Variants in STAG2 observed in about 807,000 individuals in gnomAD.
The protein encoded by STAG2 is STAG2 cohesin complex component.
Under a neutral mutation model 108.1 loss-of-function variants are expected in STAG2, and 14 were observed. That is an observed-to-expected ratio of 0.13 (90% CI 0.09 to 0.20). The LOEUF (loss-of-function observed/expected upper bound fraction) is 0.20. Ranked by LOEUF, STAG2 falls within the 10% of genes least tolerant of loss-of-function variation. The pLI, the probability that STAG2 is intolerant of heterozygous loss-of-function variation, is 1.00. For synonymous variants in STAG2, 307 were observed against 302.7 expected (o/e 1.01, Z -0.15); for missense variants, 440 against 940.9 (o/e 0.47, Z 6.96).
intron 5 of STAG2, among the ~76,000 whole-genome samples, chrX:124,035,065 TTTTGTTTGTA>T (rs2057475473): frequency 9.1e-6 from 1 of 109,711 alleles, no homozygotes; most frequent in African/African-American, 3.3e-5. Context: ...CCCAGCTAAT[TTTTGTTTGTA>T]CCTTTTGGTA....
intron 1 of STAG2, among the ~76,000 whole-genome samples, chrX:123,986,139 T>G: frequency 9.5e-6 from 1 of 105,406 alleles, no homozygotes; most frequent in East Asian, 2.9e-4. Flanking sequence ...ATATGTATCA[T>G]ATATGTATAT....
chrX:124,063,457 G>A (rs140183387), intron 19 of STAG2, among the ~76,000 whole-genome samples: 1,515 of 111,093 alleles, frequency 0.014, 31 homozygotes, highest in African/African-American at 0.047. Flanking sequence ...TATAGAGACT[G>A]GGGGTGGATA....
intron 1 of STAG2, among the ~76,000 whole-genome samples, chrX:123,973,002 T>C (rs1235797495): frequency 1.9e-5 from 2 of 106,431 alleles, no homozygotes; most frequent in Admixed American, 2.0e-4. Context: ...TGAGCTGAGA[T>C]TGTGACATTG....
chrX:124,050,606 C>T (rs751069725), intron 11 of STAG2, among the ~76,000 whole-genome samples: 30 of 110,859 alleles, frequency 2.7e-4, no homozygotes, highest in Non-Finnish European at 5.5e-4. Flanking sequence ...AGAACCATTA[C>T]GCTGTTGTTA....
chrX:124,067,927 G>T (rs2058578039), intron 23 of STAG2, among the ~76,000 whole-genome samples: 1 of 110,298 alleles, frequency 9.1e-6, no homozygotes, highest in African/African-American at 3.3e-5. Flanking sequence ...AGCTACTCAG[G>T]ATGCTGAGGC....
At chrX:124,027,092 T>C (rs1462742069) in intron 4 of STAG2, among the ~76,000 whole-genome samples, 1 of 111,169 alleles carries the variant, frequency 9.0e-6, no homozygotes, top group Non-Finnish European at 1.9e-5. Flanking sequence ...TTTTATTTTT[T>C]ATTTTTGTAG....
At chrX:123,972,866 C>CAAAAAAAAAAA (rs747333406) in intron 1 of STAG2, among the ~76,000 whole-genome samples, 313 of 21,782 alleles carry the variant, frequency 0.014, no homozygotes, top group East Asian at 0.033. Flanking sequence ...ACCAAAAATA[C>CAAAAAAAAAAA]AAAAAAAAAA....
rs1468770346 is a variant in STAG2 at position 124,063,844 on chromosome X, G to T, written c.1822-4G>T. The T allele has an allele frequency of 8.3e-7, 1 of 1,198,378 alleles. No homozygotes were observed. Among genetic ancestry groups the T allele is most frequent in the African/African-American group, 1.8e-5 (1 of 56,805 alleles). On this transcript the variant is annotated splice_region_variant and splice_polypyrimidine_tract_variant and intron_variant, in intron 19 of 34. Transcript: ENST00000371145. ...TTTTGATGAAAAATATTATTATTTT[G>T]CAGCATTTGGATGCCTTATTGCGAC...
At chrX:124,079,927 C>T (rs755134355) in intron 27 of STAG2, among the ~76,000 whole-genome samples, 57 of 101,677 alleles carry the variant, frequency 5.6e-4, no homozygotes, top group Non-Finnish European at 5.9e-4. Context: ...ATAATTTCCT[C>T]AGCATCTTTT....
intron 1 of STAG2, among the ~76,000 whole-genome samples, chrX:123,980,961 T>C (rs1253362288): frequency 9.0e-6 from 1 of 111,549 alleles, no homozygotes; most frequent in Non-Finnish European, 1.9e-5. Flanking sequence ...TACTTTAGTT[T>C]CTTTAAGTTT....
chrX:124,063,223 A>T lies in STAG2; in HGVS notation c.1821+18A>T. 1 of 1,098,298 alleles carries T rather than the reference A, an allele frequency of 9.1e-7. No individual in the cohort carries two copies. The highest frequency in any genetic ancestry group is 1.2e-6 in the Non-Finnish European group (1 of 810,302). The allele number at this position is 1,098,298 out of a possible 1,213,427, so 90.5% of individuals were successfully genotyped here. A position where few individuals can be genotyped will look rare whatever the true frequency, so the allele number is the denominator to read the frequency against. On this transcript the variant is annotated intron_variant, in intron 19 of 34. Coordinates refer to ENST00000371145, the MANE Select transcript of STAG2 (RefSeq NM_001042750.2). ...TAGAAAAGGTAAGATTATTTTGTGTAAAAAAAACCTTTAAGAAAAATTATT... is the reference window on the plus strand; with the variant it reads ...TAGAAAAGGTAAGATTATTTTGTGTTAAAAAAACCTTTAAGAAAAATTATT...
At chrX:124,008,437 TC>T (rs748806719) in intron 1 of STAG2, among the ~76,000 whole-genome samples, 3 of 110,808 alleles carry the variant, frequency 2.7e-5, no homozygotes, top group East Asian at 5.7e-4. Flanking sequence ...GGTCTCAAAC[TC>T]CCGACCTCAG....
At chrX:124,045,938 A>T (rs1041280407) in intron 8 of STAG2, among the ~76,000 whole-genome samples, 1 of 110,602 alleles carries the variant, frequency 9.0e-6, no homozygotes, top group African/African-American at 3.3e-5. Context: ...ACTGCAAAAA[A>T]TTGATTTTTC....
chrX:124,030,168 G>A (rs1229586162), intron 4 of STAG2, among the ~76,000 whole-genome samples: 1 of 111,703 alleles, frequency 9.0e-6, no homozygotes, highest in Non-Finnish European at 1.9e-5. Context: ...ATAAAATGTT[G>A]AACTGAGTAT....
At chrX:124,051,833 G>A (rs1230497215) in intron 13 of STAG2, among the ~76,000 whole-genome samples, 4 of 111,535 alleles carry the variant, frequency 3.6e-5, no homozygotes, top group African/African-American at 9.8e-5. Context: ...CTCGTGATCC[G>A]CCCGCCTTGG....
intron 13 of STAG2, among the ~76,000 whole-genome samples, chrX:124,055,467 C>T (rs1218816449): frequency 8.9e-6 from 1 of 112,818 alleles, no homozygotes; most frequent in Non-Finnish European, 1.9e-5. Flanking sequence ...AGCGTTTACC[C>T]TGGGGTACTG....
At chrX:124,085,295 C>G (rs758062714) in intron 29 of STAG2, among the ~76,000 whole-genome samples, 3 of 111,200 alleles carry the variant, frequency 2.7e-5, no homozygotes, top group Non-Finnish European at 5.7e-5. Context: ...AGCTTTAGTG[C>G]GGGCTACTTA....
chrX:123,981,311 C>A (rs377395803), intron 1 of STAG2, among the ~76,000 whole-genome samples: 1 of 109,830 alleles, frequency 9.1e-6, no homozygotes, highest in East Asian at 2.8e-4. Context: ...TCCTCCCTCC[C>A]TCCCTCGCTC....
chrX:124,075,193 G>A (rs1387379580), intron 25 of STAG2, among the ~76,000 whole-genome samples: 2 of 112,087 alleles, frequency 1.8e-5, no homozygotes, highest in Non-Finnish European at 3.8e-5. Context: ...GAGCTTATAG[G>A]ATATGCGCAG....
Sources: gnomAD v4.1 joint callset for allele counts (sites outside exome capture counted in the v4.1 genomes callset) on GRCh38, gnomAD v4.1.1 for gene constraint, MANE v1.5 for transcripts, NCBI Gene and HGNC (gene_info 2026-07-23, HGNC 2026-07-21) for gene names.